Variants in NMNAT2 observed in about 807,000 individuals in gnomAD.
NMNAT2 encodes nicotinamide/nicotinic acid mononucleotide adenylyltransferase 2.
A neutral mutation model predicts 41.6 loss-of-function variants in NMNAT2; 11 were observed. The observed-to-expected ratio is 0.26, with a 90% CI of 0.17 to 0.44. NMNAT2 has a LOEUF of 0.44. Among genes scored for constraint, NMNAT2 ranks in the 20% least tolerant of loss-of-function variants. The pLI is 1.00. For synonymous variants in NMNAT2, 148 were observed against 151.2 expected, an observed-to-expected ratio of 0.98 and a Z score of 0.16; for missense variants, 288 against 407.7, an observed-to-expected ratio of 0.71 and a Z score of 2.53.
At chr1:183,274,182 G>C (rs2102293318) in intron 8 of NMNAT2, among the ~76,000 whole-genome samples, 1 of 152,088 alleles carries the variant, frequency 6.6e-6, no homozygotes, top group East Asian at 1.9e-4. Context: ...CAAAGCACTG[G>C]GATTACAGGT....
chr1:183,252,353 C>G lies in NMNAT2; in HGVS notation c.*288G>C. 5 of 406,504 alleles carry G rather than the reference C, an allele frequency of 1.2e-5. No individual in the cohort carries two copies. In the South Asian group the frequency reaches 1.3e-4, roughly 10 times the overall value. The allele number at this position is 406,504 out of a possible 1,614,324, so 25.2% of individuals were successfully genotyped here. A position where few individuals can be genotyped will look rare whatever the true frequency, so the allele number is the denominator to read the frequency against. The stretch of plus-strand genomic sequence containing the variant: ...GGGCACCAGAGCCGCCTCTCTAGAG[C>G]ATGCTGGGAGACGGACACCAGTACA... On this transcript the variant is annotated 3_prime_UTR_variant, in exon 11 of 11. Coordinates refer to ENST00000287713, the MANE Select transcript of NMNAT2 (RefSeq NM_015039.4).
intron 1 of NMNAT2, among the ~76,000 whole-genome samples, chr1:183,309,857 C>T (rs1662069263): frequency 6.6e-6 from 1 of 152,222 alleles, no homozygotes; most frequent in Admixed American, 6.5e-5. Context: ...GCATACTTCT[C>T]TCGCTCATTT....
At chr1:183,328,443 C>A (rs1235642327) in intron 1 of NMNAT2, among the ~76,000 whole-genome samples, 1 of 152,252 alleles carries the variant, frequency 6.6e-6, no homozygotes, top group Non-Finnish European at 1.5e-5. Context: ...TGCCTCCCTA[C>A]CATTCCTCCT....
intron 7 of NMNAT2, among the ~76,000 whole-genome samples, chr1:183,281,719 T>C (rs1661274921): frequency 1.3e-5 from 2 of 152,216 alleles, no homozygotes; most frequent in Non-Finnish European, 2.9e-5. Context: ...CCCAACAGCC[T>C]GTGGTCTAGG....
chr1:183,383,955 T>C (rs929660117), intron 1 of NMNAT2, among the ~76,000 whole-genome samples: 2 of 152,208 alleles, frequency 1.3e-5, no homozygotes, highest in Non-Finnish European at 2.9e-5. Flanking sequence ...GTTATCTTTA[T>C]AGCAATGTCC....
chr1:183,382,048 G>A (rs1383972936), intron 1 of NMNAT2, among the ~76,000 whole-genome samples: 1 of 152,210 alleles, frequency 6.6e-6, no homozygotes, highest in African/African-American at 2.4e-5. Context: ...CGACTGAGTA[G>A]TTTATAAAGA....
chr1:183,340,691 T>C (rs1662779566), intron 1 of NMNAT2, among the ~76,000 whole-genome samples: 1 of 152,180 alleles, frequency 6.6e-6, no homozygotes. Flanking sequence ...GATTTAGATG[T>C]AAGCATATCT....
At chr1:183,371,578 A>G (rs1663544889) in intron 1 of NMNAT2, among the ~76,000 whole-genome samples, 1 of 152,126 alleles carries the variant, frequency 6.6e-6, no homozygotes, top group Admixed American at 6.5e-5. Flanking sequence ...AGTCTGTGGG[A>G]AATCTCTGTG....
chr1:183,372,324 C>A (rs1490546822), intron 1 of NMNAT2, among the ~76,000 whole-genome samples: 1 of 152,060 alleles, frequency 6.6e-6, no homozygotes, highest in Admixed American at 6.5e-5. Flanking sequence ...AAGGTGGAAA[C>A]AGAAGCAATG....
rs1021545486 is a variant in NMNAT2 at position 183,378,798 on chromosome 1, C to T, written c.85+39385G>A. ...GTGGCTCATGCTTGTAATCCCAGCA[C>T]TTTGGGAGGCCATGGCAGCAGATTG... On this transcript the variant is annotated intron_variant, in intron 1 of 10. Coordinates refer to ENST00000287713, the MANE Select transcript of NMNAT2 (RefSeq NM_015039.4). Among the ~76,000 whole-genome samples, 59 of 39,752 alleles carry T rather than the reference C, an allele frequency of 1.5e-3. 1 individual carries two copies. The highest frequency in any genetic ancestry group is 0.014 in the Admixed American group (41 of 2,854). 26.1% of individuals were successfully genotyped at this position (39,752 alleles called of 152,430 possible).
intron 1 of NMNAT2, among the ~76,000 whole-genome samples, chr1:183,304,387 A>C (rs1024679028): frequency 2.0e-5 from 3 of 151,684 alleles, no homozygotes; most frequent in Admixed American, 1.3e-4. Flanking sequence ...CGATTGCAGA[A>C]GGCACATGAT....
At chr1:183,385,955 C>T (rs1648230764) in intron 1 of NMNAT2, among the ~76,000 whole-genome samples, 2 of 152,000 alleles carry the variant, frequency 1.3e-5, no homozygotes, top group African/African-American at 4.8e-5. Context: ...GATGAGGGCC[C>T]GAGGGGATGA....
chr1:183,271,111 C>T (rs1012071105), intron 8 of NMNAT2, among the ~76,000 whole-genome samples: 1 of 152,188 alleles, frequency 6.6e-6, no homozygotes, highest in Non-Finnish European at 1.5e-5. Context: ...CCCTCAGTGG[C>T]CATCTCTGGT....
At chr1:183,287,667 A>T (rs951965219) in intron 4 of NMNAT2, among the ~76,000 whole-genome samples, 3 of 152,200 alleles carry the variant, frequency 2.0e-5, no homozygotes, top group African/African-American at 7.2e-5. Flanking sequence ...CAAAGGACAA[A>T]TTCCCAATCT....
intron 8 of NMNAT2, among the ~76,000 whole-genome samples, chr1:183,274,860 G>A (rs1661084778): frequency 6.6e-6 from 1 of 151,884 alleles, no homozygotes; most frequent in African/African-American, 2.4e-5. Context: ...AAAGAACAAA[G>A]AACAGGTTCT....
intron 1 of NMNAT2, among the ~76,000 whole-genome samples, chr1:183,411,950 A>G (rs962256794): frequency 1.3e-5 from 2 of 152,138 alleles, no homozygotes; most frequent in Non-Finnish European, 2.9e-5. Flanking sequence ...GACATGGGCT[A>G]GGTGGGGAAG....
chr1:183,301,546 G>A (rs917934365), intron 1 of NMNAT2, among the ~76,000 whole-genome samples: 5 of 152,194 alleles, frequency 3.3e-5, no homozygotes, highest in East Asian at 3.8e-4. Context: ...AGTCAGACCC[G>A]CTCTGCATTT....
At chr1:183,385,733 A>C (rs1231060182) in intron 1 of NMNAT2, among the ~76,000 whole-genome samples, 1 of 152,206 alleles carries the variant, frequency 6.6e-6, no homozygotes, top group Non-Finnish European at 1.5e-5. Context: ...ATGTGTGTAC[A>C]TAGCTGGAAT....
At chr1:183,339,315 T>C (rs1396052046) in intron 1 of NMNAT2, among the ~76,000 whole-genome samples, 1 of 152,080 alleles carries the variant, frequency 6.6e-6, no homozygotes, top group East Asian at 1.9e-4. Context: ...GCCAGGATGG[T>C]CTCAATCTCC....
Sources: allele counts gnomAD v4.1 joint callset (sites outside exome capture counted in the v4.1 genomes callset), GRCh38; gene constraint gnomAD v4.1.1; transcripts MANE v1.5; gene names NCBI Gene and HGNC (gene_info 2026-07-23, HGNC 2026-07-21).